The following LINGO2 variants were observed in gnomAD, a reference collection of about 807,000 sequenced individuals.
LINGO2 encodes the protein leucine rich repeat and Ig domain containing 2, also known as leucine-rich repeat and immunoglobulin-like domain-containing nogo receptor-interacting protein 2.
A neutral mutation model predicts 30.6 loss-of-function variants in LINGO2; 14 were observed. That is an observed-to-expected ratio of 0.46 (90% CI 0.30 to 0.72). The LOEUF (loss-of-function observed/expected upper bound fraction) is 0.72, where lower values mean the gene tolerates loss of function less well. Ranked by LOEUF, LINGO2 falls within the 30% of genes least tolerant of loss-of-function variation. The pLI, the probability that LINGO2 is intolerant of heterozygous loss-of-function variation, is 0.07. For missense variants in LINGO2, 729 were observed against 751.7 expected (o/e 0.97, Z 0.35); for synonymous variants, 317 against 288.5 (o/e 1.10, Z -1.00).
intron 1 of LINGO2, among the ~76,000 whole-genome samples, chr9:28,510,987 T>C (rs774342324): frequency 1.3e-5 from 2 of 151,856 alleles, no homozygotes; most frequent in Non-Finnish European, 1.5e-5. Context: ...CTTTTTCTTG[T>C]TTTTTTGCCT....
At chr9:28,775,983 A>G in the LINGO2 span, among the ~76,000 whole-genome samples, 4 of 152,236 alleles carry the variant, frequency 2.6e-5, 1 homozygote, top group South Asian at 4.1e-4. Flanking sequence ...GAAATCAGCA[A>G]TTTTCATGTC....
intron 1 of LINGO2, among the ~76,000 whole-genome samples, chr9:28,579,188 T>C (rs1378096441): frequency 6.6e-6 from 1 of 152,124 alleles, no homozygotes; most frequent in African/African-American, 2.4e-5. Flanking sequence ...GTGAGAATCC[T>C]GAGAATTAGC....
chr9:28,346,075 A>C (rs1235912957), intron 3 of LINGO2, among the ~76,000 whole-genome samples: 2 of 152,156 alleles, frequency 1.3e-5, no homozygotes, highest in African/African-American at 4.8e-5. Flanking sequence ...AAAAGCTTTT[A>C]TTTTAGGTTC....
chr9:29,077,851 T>C, the LINGO2 span, among the ~76,000 whole-genome samples: 1 of 151,600 alleles, frequency 6.6e-6, no homozygotes, highest in South Asian at 2.1e-4. Flanking sequence ...TAGATATAAA[T>C]ATAAAGCCTG....
chr9:28,439,065 TATA>T (rs1293667639), intron 2 of LINGO2, among the ~76,000 whole-genome samples: 5 of 147,604 alleles, frequency 3.4e-5, no homozygotes, highest in African/African-American at 1.2e-4. Flanking sequence ...ATACATTATA[TATA>T]ATGAAATATA....
chr9:29,130,051 T>C, the LINGO2 span, among the ~76,000 whole-genome samples: 4 of 152,074 alleles, frequency 2.6e-5, no homozygotes, highest in Non-Finnish European at 5.9e-5. Flanking sequence ...TTAAGTGAGA[T>C]AGGAAAATCT....
the LINGO2 span, among the ~76,000 whole-genome samples, chr9:28,960,696 T>C: frequency 6.7e-6 from 1 of 149,118 alleles, no homozygotes; most frequent in Non-Finnish European, 1.5e-5. Context: ...GGAAAATTAT[T>C]TCTAAAAATA....
intron 1 of LINGO2, among the ~76,000 whole-genome samples, chr9:28,587,894 C>G (rs1304802346): frequency 2.0e-5 from 3 of 151,816 alleles, no homozygotes; most frequent in Non-Finnish European, 4.4e-5. Context: ...AAACAGTGGC[C>G]GTTTTGCATT....
At chr9:29,145,498 C>T in the LINGO2 span, among the ~76,000 whole-genome samples, 1 of 151,614 alleles carries the variant, frequency 6.6e-6, no homozygotes, top group South Asian at 2.1e-4. Flanking sequence ...AAAATTCATA[C>T]TACCATGATT....
chr9:28,565,292 A>G (rs1002467394), intron 1 of LINGO2, among the ~76,000 whole-genome samples: 3 of 151,256 alleles, frequency 2.0e-5, no homozygotes, highest in African/African-American at 7.3e-5. Context: ...GGTTCATGCC[A>G]TTCTCCTGCC....
chr9:28,447,360 A>C (rs1824462027), intron 2 of LINGO2, among the ~76,000 whole-genome samples: 1 of 152,190 alleles, frequency 6.6e-6, no homozygotes, highest in South Asian at 2.1e-4. Flanking sequence ...TTGCCCTTCC[A>C]CCATGTGAGG....
In LINGO2 at chr9:28,034,720, C is replaced by CA. The variant is rs562130775; in HGVS notation, c.-86-22316dup. On this transcript the variant is annotated intron_variant, in intron 4 of 5. Transcript: ENST00000379992. ...ACCTGTCATGTTTTTCTTATGATTT[C>CA]AAAAAACTAAATTAAAATTGCTACT... Among the ~76,000 whole-genome samples, 311 of 152,196 alleles carry CA rather than the reference C, an allele frequency of 2.0e-3. 4 individuals carry two copies. Among genetic ancestry groups the CA allele is most frequent in the Non-Finnish European group, 2.7e-3 (181 of 67,988 alleles).
At chr9:28,797,739 C>T in the LINGO2 span, among the ~76,000 whole-genome samples, 1 of 152,034 alleles carries the variant, frequency 6.6e-6, no homozygotes, top group South Asian at 2.1e-4. Context: ...GAGATCTTGG[C>T]TAGAGATACA....
At chr9:28,714,653 G>T in the LINGO2 span, among the ~76,000 whole-genome samples, 2 of 151,858 alleles carry the variant, frequency 1.3e-5, no homozygotes, top group Non-Finnish European at 2.9e-5. Context: ...ATGAATTTTG[G>T]GCTCTTCTCT....
intron 5 of LINGO2, among the ~76,000 whole-genome samples, chr9:27,988,941 C>T (rs1206800847): frequency 2.6e-5 from 4 of 151,934 alleles, no homozygotes; most frequent in African/African-American, 9.7e-5. Flanking sequence ...ATCACTTCCA[C>T]TGCTACCACC....
chr9:29,184,150 T>G, the LINGO2 span, among the ~76,000 whole-genome samples: 36 of 152,130 alleles, frequency 2.4e-4, no homozygotes, highest in Admixed American at 1.6e-3. Context: ...TCTGCTGTCA[T>G]AAAAACTGTT....
chr9:28,708,763 A>ATCTATCTATCTG, the LINGO2 span, among the ~76,000 whole-genome samples: 1 of 146,218 alleles, frequency 6.8e-6, no homozygotes, highest in Non-Finnish European at 1.6e-5. Context: ...TAAACTAATT[A>ATCTATCTATCTG]TCTATCTATC....
intron 3 of LINGO2, among the ~76,000 whole-genome samples, chr9:28,303,473 C>T (rs887059983): frequency 6.6e-6 from 1 of 152,040 alleles, no homozygotes; most frequent in African/African-American, 2.4e-5. Context: ...CCCTGAACAA[C>T]ATGTGGATTA....
chr9:29,142,511 C>T, the LINGO2 span, among the ~76,000 whole-genome samples: 5 of 151,558 alleles, frequency 3.3e-5, no homozygotes, highest in East Asian at 5.8e-4. Context: ...AAAAGAAAAA[C>T]TAATTCAGTT....
Sources: allele counts gnomAD v4.1 joint callset (sites outside exome capture counted in the v4.1 genomes callset), GRCh38; gene constraint gnomAD v4.1.1; transcripts MANE v1.5; gene names NCBI Gene and HGNC (gene_info 2026-07-23, HGNC 2026-07-21).